Variants in EYS observed in about 807,000 individuals in gnomAD.
The protein encoded by EYS is protein eyes shut homolog.
A neutral mutation model predicts 282.1 loss-of-function variants in EYS; 250 were observed. The observed-to-expected ratio is 0.89, with a 90% CI of 0.80 to 0.98. EYS has a LOEUF of 0.98. Among genes scored for constraint, EYS ranks in the 50% least tolerant of loss-of-function variants. The pLI is 0.00. For missense variants in EYS, 4,016 were observed against 3,709.0 expected (o/e 1.08, Z -2.15); for synonymous variants, 1,355 against 1,282.9 (o/e 1.06, Z -1.20).
chr6:65,654,650 G>C (rs1006401455), intron 1 of EYS, among the ~76,000 whole-genome samples: 1 of 151,704 alleles, frequency 6.6e-6, no homozygotes, highest in Non-Finnish European at 1.5e-5. Flanking sequence ...TATACCAGCT[G>C]AGAGTCCATT....
At chr6:65,473,671 C>T (rs1765297588) in intron 5 of EYS, among the ~76,000 whole-genome samples, 1 of 151,590 alleles carries the variant, frequency 6.6e-6, no homozygotes, top group South Asian at 2.1e-4. Context: ...GTTTTTTACT[C>T]AACTACTGCA....
At chr6:65,256,015 A>C (rs893348409) in intron 12 of EYS, among the ~76,000 whole-genome samples, 3 of 152,022 alleles carry the variant, frequency 2.0e-5, no homozygotes, top group African/African-American at 7.2e-5. Flanking sequence ...TAAAAGGAAA[A>C]AAATCAATAT....
At chr6:65,210,523 C>T (rs1281718651) in intron 12 of EYS, among the ~76,000 whole-genome samples, 1 of 151,960 alleles carries the variant, frequency 6.6e-6, no homozygotes, top group East Asian at 1.9e-4. Flanking sequence ...AAAACAAAGA[C>T]TGCAGTTACT....
At chr6:65,152,485 G>A (rs369625492) in intron 12 of EYS, among the ~76,000 whole-genome samples, 18 of 151,824 alleles carry the variant, frequency 1.2e-4, no homozygotes, top group African/African-American at 4.1e-4. Context: ...ACAGACCAGG[G>A]CACATGCACA....
At chr6:64,066,305 C>A in intron 33 of EYS, 33 bp downstream of exon 33, 1 of 1,522,306 alleles carries the variant, frequency 6.6e-7, no homozygotes, top group Non-Finnish European at 8.8e-7. Flanking sequence ...AAAATTTCAG[C>A]ACGAAAGAAC....
At chr6:64,107,285 T>TA (rs1773053230) in intron 31 of EYS, among the ~76,000 whole-genome samples, 36 of 101,490 alleles carry the variant, frequency 3.5e-4, no homozygotes, top group Non-Finnish European at 4.4e-4. Flanking sequence ...ATATATATAT[T>TA]TATATATATA....
intron 36 of EYS, among the ~76,000 whole-genome samples, chr6:63,826,784 CAG>C (rs1771472378): frequency 1.6e-5 from 2 of 122,104 alleles, no homozygotes; most frequent in African/African-American, 3.1e-5. Flanking sequence ...CACATCAAAA[CAG>C]AACCTCTTTA....
chr6:65,264,962 A>C (rs1172723278), intron 12 of EYS, among the ~76,000 whole-genome samples: 1 of 151,942 alleles, frequency 6.6e-6, no homozygotes, highest in Non-Finnish European at 1.5e-5. Flanking sequence ...TTGCATTAGT[A>C]TACAATGCAA....
At chr6:65,209,625 G>A (rs1445816163) in intron 12 of EYS, among the ~76,000 whole-genome samples, 2 of 151,806 alleles carry the variant, frequency 1.3e-5, no homozygotes, top group African/African-American at 4.8e-5. Flanking sequence ...CTAAGATGAT[G>A]GAACATACAT....
At chr6:64,567,810 C>T (rs1039893981) in intron 26 of EYS, among the ~76,000 whole-genome samples, 4 of 152,166 alleles carry the variant, frequency 2.6e-5, no homozygotes, top group African/African-American at 9.7e-5. Flanking sequence ...CCTTTTCCAG[C>T]CATAATGTTA....
At chr6:64,817,483 A>T (rs557665308) in intron 21 of EYS, among the ~76,000 whole-genome samples, 1 of 152,300 alleles carries the variant, frequency 6.6e-6, no homozygotes, top group Non-Finnish European at 1.5e-5. Context: ...ACATGCACTC[A>T]TGTGTGCGTA....
chr6:64,934,610 T>C (rs1391788277), intron 15 of EYS, among the ~76,000 whole-genome samples: 2 of 151,544 alleles, frequency 1.3e-5, no homozygotes, highest in Non-Finnish European at 3.0e-5. Flanking sequence ...GAATGATATA[T>C]TTGAAGTGCT....
intron 36 of EYS, among the ~76,000 whole-genome samples, chr6:63,844,616 G>A (rs1772049697): frequency 6.6e-6 from 1 of 151,588 alleles, no homozygotes; most frequent in South Asian, 2.1e-4. Flanking sequence ...GTAATGTTGA[G>A]CTTTTTTTTT....
chr6:64,531,704 T>C (rs150224716), intron 26 of EYS, among the ~76,000 whole-genome samples: 36 of 152,166 alleles, frequency 2.4e-4, no homozygotes, highest in African/African-American at 6.0e-4. Context: ...GTACTGGGAT[T>C]ACAGGCGTGA....
At position 64,155,624 on chromosome 6, in the gene EYS, G is replaced by GT. The variant is rs796920615; in HGVS notation, c.6425-73623dup. On this transcript the variant is annotated intron_variant, in intron 31 of 42. Coordinates refer to ENST00000503581, the MANE Select transcript of EYS (RefSeq NM_001142800.2). ...CTAATATAACCCTAGGAAGGATACC[G>GT]TGTAAACTTTACCAGTTGCCTCATT... is the stretch of plus-strand genomic sequence containing the variant. 9.2e-5 allele frequency among the ~76,000 whole-genome samples: 14 copies of GT among 152,222 alleles called. 1 individual carries two copies. Among genetic ancestry groups the GT allele is most frequent in the African/African-American group, 3.4e-4 (14 of 41,534 alleles).
intron 35 of EYS, among the ~76,000 whole-genome samples, chr6:63,976,841 T>C (rs757877497): frequency 6.6e-6 from 1 of 152,058 alleles, no homozygotes; most frequent in South Asian, 2.1e-4. Flanking sequence ...CTGAAGCTCA[T>C]ATAATTTTGT....
At chr6:63,759,926 AATCAGGG>A (rs1228215448) in intron 41 of EYS, among the ~76,000 whole-genome samples, 2 of 152,052 alleles carry the variant, frequency 1.3e-5, no homozygotes, top group Admixed American at 6.6e-5. Context: ...TTTCAATGGA[AATCAGGG>A]ACTGGTTGGA....
chr6:64,902,374 G>A (rs1017195978), intron 17 of EYS, 30 bp downstream of exon 17: 3 of 1,423,934 alleles, frequency 2.1e-6, no homozygotes, highest in African/African-American at 1.4e-5. Context: ...ACATAAACAT[G>A]TATCTAGATA....
At position 65,400,266 on chromosome 6, in the gene EYS, TTTGCAG is replaced by T. The variant is rs1429779183; in HGVS notation, c.1184+2206_1184+2211del. ...CCTTTTTAAAATATTTGTTTCTTTT[TTTGCAG>T]TTGCTGTATTTCACAAACTCCATTT... On this transcript the variant is annotated intron_variant, in intron 7 of 42. Transcript: ENST00000503581. Among the ~76,000 whole-genome samples, 12 of 152,156 alleles carry T rather than the reference TTTGCAG, an allele frequency of 7.9e-5. No individual in the cohort carries two copies. In the East Asian group the frequency reaches 2.3e-3, roughly 29 times the overall value.
Sources: gnomAD v4.1 joint callset for allele counts (sites outside exome capture counted in the v4.1 genomes callset) on GRCh38, gnomAD v4.1.1 for gene constraint, MANE v1.5 for transcripts, NCBI Gene and HGNC (gene_info 2026-07-23, HGNC 2026-07-21) for gene names.